LRRC69: variants seen among roughly 807,000 people sequenced by gnomAD.
The protein encoded by LRRC69 is leucine-rich repeat-containing protein 69.
Under a neutral mutation model 37.8 loss-of-function variants are expected in LRRC69, and 42 were observed. That is an observed-to-expected ratio of 1.11 (90% confidence interval 0.87 to 1.44). LRRC69 has a LOEUF of 1.44. Among genes scored for constraint, LRRC69 ranks in the 40% most tolerant of loss-of-function variants. The pLI is 0.00. For missense variants in LRRC69, 357 were observed against 401.9 expected (o/e 0.89, Z 0.96); for synonymous variants, 141 against 143.1 (o/e 0.99, Z 0.11).
At chr8:91,175,042 G>A (rs1260704629) in intron 5 of LRRC69, among the ~76,000 whole-genome samples, 2 of 152,072 alleles carry the variant, frequency 1.3e-5, no homozygotes, top group Non-Finnish European at 2.9e-5. Context: ...AATATTGGAG[G>A]GACTTATCTA....
chr8:91,120,917 C>T (rs1813607282), intron 1 of LRRC69, among the ~76,000 whole-genome samples: 1 of 151,972 alleles, frequency 6.6e-6, no homozygotes, highest in African/African-American at 2.4e-5. Context: ...ACAGCTCCTA[C>T]TTGACATTTT....
exon 1 of LRRC69, chr8:91,102,756 C>T: frequency 6.4e-7 from 1 of 1,551,898 alleles, no homozygotes; most frequent in Non-Finnish European, 8.7e-7. Flanking sequence ...ATGCCCTCAG[C>T]ATTAGGAAAA....
chr8:91,164,958 C>T (rs35442880), intron 5 of LRRC69, among the ~76,000 whole-genome samples: 7,901 of 151,786 alleles, frequency 0.052, 295 homozygotes, highest in Middle Eastern at 0.16. Context: ...AGGGACTGAT[C>T]TGTGAATTCC....
intron 6 of LRRC69, among the ~76,000 whole-genome samples, chr8:91,195,748 G>A (rs1212936629): frequency 6.6e-6 from 1 of 152,106 alleles, no homozygotes; most frequent in East Asian, 1.9e-4. Flanking sequence ...CTCTGCACGT[G>A]AGATGGGTTT....
Position 91,133,212 on chromosome 8 carries a change from C to A in LRRC69, c.486C>A (p.Tyr162Ter). The A allele has an allele frequency of 6.5e-7, 1 of 1,543,046 alleles. No homozygotes were observed. The highest frequency in any genetic ancestry group is 2.0e-5 in the Admixed American group (1 of 49,032). The change falls in exon 4 of 8, where the codon TAC (tyrosine) becomes TAA (stop). Residue 162 changes from tyrosine (Y) to a stop codon, truncating the protein, a stop_gained. Coordinates refer to ENST00000448384, the Ensembl canonical transcript of LRRC69. LOFTEE classifies it high-confidence loss of function. ...ATCTTGTTGAACTTCAACTTAACTA[C>A]AATCAGCTGATATGCATACCTGAAG...
chr8:91,189,617 T>C (rs1471499506), exon 6 of LRRC69: 1 of 1,546,224 alleles, frequency 6.5e-7, no homozygotes, highest in African/African-American at 1.4e-5. Flanking sequence ...ACGTCTGGAG[T>C]CTACAGGTGA....
intron 1 of LRRC69, among the ~76,000 whole-genome samples, chr8:91,108,074 C>T (rs965397432): frequency 5.3e-5 from 8 of 152,002 alleles, no homozygotes; most frequent in South Asian, 2.1e-4. Flanking sequence ...TAAAGTCCAA[C>T]GGCAGTGTGG....
intron 5 of LRRC69, among the ~76,000 whole-genome samples, chr8:91,164,476 A>T (rs949707919): frequency 2.0e-5 from 3 of 151,508 alleles, no homozygotes; most frequent in Non-Finnish European, 4.4e-5. Flanking sequence ...GTAGAAGGCT[A>T]CTCTTCAGTC....
At chr8:91,159,892 A>C (rs1223365832) in intron 5 of LRRC69, among the ~76,000 whole-genome samples, 29 of 151,116 alleles carry the variant, frequency 1.9e-4, no homozygotes, top group African/African-American at 7.0e-4. Context: ...TTGGGATGAA[A>C]ATGATTGTCA....
chr8:91,193,893 G>T (rs201372231), intron 6 of LRRC69, among the ~76,000 whole-genome samples: 2 of 132,034 alleles, frequency 1.5e-5, no homozygotes, highest in Non-Finnish European at 1.6e-5. Flanking sequence ...ATGTTGAATA[G>T]GAGTGGTGAG....
chr8:91,219,102 A>G (rs370022152), downstream of LRRC69: 35 of 486,094 alleles, frequency 7.2e-5, no homozygotes, highest in African/African-American at 6.8e-4. Flanking sequence ...TCTCTTTGTC[A>G]ACACATTAAA....
At chr8:91,126,924 C>A (rs997769165) in intron 2 of LRRC69, among the ~76,000 whole-genome samples, 164 bp from the exon 3 acceptor site, 1 of 151,950 alleles carries the variant, frequency 6.6e-6, no homozygotes, top group African/African-American at 2.4e-5. Flanking sequence ...TGATAAATTA[C>A]TCCTTTTTGC....
At chr8:91,113,413 G>A (rs545440202) in intron 1 of LRRC69, among the ~76,000 whole-genome samples, 10 of 151,912 alleles carry the variant, frequency 6.6e-5, no homozygotes, top group Admixed American at 3.3e-4. Flanking sequence ...ATAAATCCAC[G>A]TATGTATGAT....
chr8:91,209,202 G>A (rs1208578993), intron 7 of LRRC69, among the ~76,000 whole-genome samples: 4 of 152,110 alleles, frequency 2.6e-5, no homozygotes, highest in Admixed American at 6.5e-5. Flanking sequence ...CGAGGCGGGC[G>A]GATCACCTGA....
intron 5 of LRRC69, among the ~76,000 whole-genome samples, chr8:91,160,452 C>T (rs900331612): frequency 2.0e-5 from 3 of 151,062 alleles, no homozygotes; most frequent in African/African-American, 4.8e-5. Context: ...TGTGTCCCCA[C>T]CCAAATCTCA....
chr8:91,187,705 C>T (rs138767291), intron 5 of LRRC69, among the ~76,000 whole-genome samples: 6 of 152,328 alleles, frequency 3.9e-5, no homozygotes, highest in African/African-American at 7.2e-5. Context: ...AACTGACATA[C>T]GGTCTTATTC....
chr8:91,176,134 A>ATTTTTTTTTT (rs771986461), intron 5 of LRRC69, among the ~76,000 whole-genome samples: 1 of 75,710 alleles, frequency 1.3e-5, no homozygotes, highest in African/African-American at 6.1e-5. Context: ...ATATATATAT[A>ATTTTTTTTTT]TTTTTTTTTT....
chr8:91,219,149 A>G (rs1810113977), downstream of LRRC69: 2 of 413,498 alleles, frequency 4.8e-6, no homozygotes, highest in Non-Finnish European at 8.6e-6. Context: ...AACGTTCCCA[A>G]TCTAAGCACT....
chr8:91,204,552 C>T (rs1048411748), intron 7 of LRRC69, among the ~76,000 whole-genome samples: 1 of 152,174 alleles, frequency 6.6e-6, no homozygotes, highest in Non-Finnish European at 1.5e-5. Context: ...GAAAGTCTTT[C>T]ACTTTACTCC....
Sources: gnomAD v4.1 joint callset for allele counts (sites outside exome capture counted in the v4.1 genomes callset) on GRCh38, gnomAD v4.1.1 for gene constraint, MANE v1.5 for transcripts, NCBI Gene and HGNC (gene_info 2026-07-23, HGNC 2026-07-21) for gene names.